Variants in ERC1 observed in about 807,000 individuals in gnomAD.
The protein encoded by ERC1 is ELKS/RAB6-interacting/CAST family member 1.
Under a neutral mutation model 132.0 loss-of-function variants are expected in ERC1, and 56 were observed. The ratio of observed to expected loss-of-function variants is 0.42; its 90% CI spans 0.34 to 0.53. The LOEUF (loss-of-function observed/expected upper bound fraction) is 0.53, where lower values mean the gene tolerates loss of function less well. Among genes scored for constraint, ERC1 ranks in the 20% least tolerant of loss-of-function variants. The pLI, the probability that ERC1 is intolerant of heterozygous loss-of-function variation, is 0.03. For missense variants in ERC1, 1,202 were observed against 1,349.9 expected (o/e 0.89, Z 1.72); for synonymous variants, 478 against 476.1 (o/e 1.00, Z -0.05).
At chr12:1,244,231 C>A (rs574916633) in intron 13 of ERC1, among the ~76,000 whole-genome samples, 1 of 152,054 alleles carries the variant, frequency 6.6e-6, no homozygotes, top group Non-Finnish European at 1.5e-5. Context: ...CAATCGTAAT[C>A]GAATGACTGG....
At position 1,121,677 on chromosome 12, in the gene ERC1, A is replaced by ATCTCTATCTATC. The variant is rs56044523; in HGVS notation, c.1569+5647_1569+5648insCTATCTATCTCT. On this transcript the variant is annotated intron_variant, in intron 7 of 18. Coordinates refer to ENST00000360905, the MANE Select transcript of ERC1 (RefSeq NM_178040.4). ...TATCTCTATCTCTATCTCTATCTCTATCTATCTCTATCTCTATCTCTATCT... is the reference window on the plus strand; with the variant it reads ...TATCTCTATCTCTATCTCTATCTCTATCTCTATCTATCTCTATCTCTATCTCTATCTCTATCT... Among the ~76,000 whole-genome samples, 28 of 8,182 alleles carry ATCTCTATCTATC rather than the reference A, an allele frequency of 3.4e-3. 1 individual carries two copies. Among genetic ancestry groups the ATCTCTATCTATC allele is most frequent in the Non-Finnish European group, 5.6e-3 (13 of 2,314 alleles). 5.4% of individuals were successfully genotyped at this position (8,182 alleles called of 152,430 possible).
intron 18 of ERC1, among the ~76,000 whole-genome samples, chr12:1,468,285 G>A (rs1375610233): frequency 1.3e-5 from 2 of 152,040 alleles, no homozygotes; most frequent in African/African-American, 4.8e-5. Context: ...AAGGCTTCAC[G>A]AAAGCAAAAA....
intron 17 of ERC1, among the ~76,000 whole-genome samples, chr12:1,440,251 C>T (rs1455225740): frequency 7.3e-6 from 1 of 136,324 alleles, no homozygotes; most frequent in African/African-American, 3.0e-5. Context: ...GTCGCCCAGG[C>T]TGGAGTGCAG....
At chr12:1,217,763 C>A (rs1397277166) in intron 12 of ERC1, among the ~76,000 whole-genome samples, 2 of 152,144 alleles carry the variant, frequency 1.3e-5, no homozygotes, top group Non-Finnish European at 2.9e-5. Flanking sequence ...CCTTCCTTAC[C>A]CGGGTCAGAT....
At chr12:1,336,162 A>G (rs1018085348) in intron 15 of ERC1, among the ~76,000 whole-genome samples, 15 of 151,834 alleles carry the variant, frequency 9.9e-5, no homozygotes, top group Admixed American at 2.6e-4. Flanking sequence ...TTACTAGCCT[A>G]TTTAGCAGTT....
In ERC1 at chr12:1,444,546, T is replaced by C. The variant is rs945221295; in HGVS notation, c.3025-16T>C. On this transcript the variant is annotated splice_polypyrimidine_tract_variant and intron_variant, in intron 17 of 18. Coordinates refer to ENST00000360905, the MANE Select transcript of ERC1 (RefSeq NM_178040.4). ...TTCCTCATTTTATTTTATTTTATTT[T>C]ATTTTTTTGCCTTAGATCATCCAGC... 4 of 1,546,608 alleles carry C rather than the reference T, an allele frequency of 2.6e-6. No homozygotes were observed. The African/African-American group carries it at 5.6e-5, about 21-fold the overall frequency.
chr12:1,442,467 C>G (rs1166897622), intron 17 of ERC1, among the ~76,000 whole-genome samples: 3 of 152,076 alleles, frequency 2.0e-5, no homozygotes, highest in Non-Finnish European at 4.4e-5. Context: ...CACAGCAGAA[C>G]TTTGGTGTTT....
At chr12:1,071,802 A>G (rs1440780735) in intron 2 of ERC1, among the ~76,000 whole-genome samples, 1 of 152,120 alleles carries the variant, frequency 6.6e-6, no homozygotes, top group Non-Finnish European at 1.5e-5. Context: ...TCTTTCCCTT[A>G]AAAGTATAAA....
Position 1,083,497 on chromosome 12 carries a change from C to T in ERC1, c.1003C>T (p.Arg335Ter), listed in dbSNP as rs995188301. Reference protein sequence around the residue: ...ATEEDHERTRRLAEAEMHVHH... With the variant: ...ATEEDHERTR ...CGAGGAAGACCATGAGAGAACAAGA[C>T]GACTGGCAGAGGCAGAGATGCACGT... Residue 335 changes from arginine (R) to a stop codon, truncating the protein, a stop_gained, in exon 3 of 19, where the codon CGA becomes TGA. Coordinates refer to ENST00000360905, the MANE Select transcript of ERC1 (RefSeq NM_178040.4). LOFTEE classifies it high-confidence loss of function. 5 of 1,614,120 alleles carry T rather than the reference C, an allele frequency of 3.1e-6. No individual in the cohort carries two copies. Among genetic ancestry groups the T allele is most frequent in the Non-Finnish European group, 4.2e-6 (5 of 1,179,994 alleles).
intron 14 of ERC1, among the ~76,000 whole-genome samples, chr12:1,283,433 C>T (rs1204206660): frequency 1.3e-5 from 2 of 152,212 alleles, no homozygotes; most frequent in East Asian, 3.8e-4. Flanking sequence ...TGTACAACTG[C>T]TCAGTGGTAG....
intron 8 of ERC1, among the ~76,000 whole-genome samples, chr12:1,177,602 T>A (rs540127693): frequency 6.6e-6 from 1 of 152,302 alleles, no homozygotes; most frequent in East Asian, 1.9e-4. Flanking sequence ...GTTCACCATC[T>A]CATACGGGCA....
chr12:1,002,637 C>T (rs894123587), intron 1 of ERC1, among the ~76,000 whole-genome samples: 8 of 152,026 alleles, frequency 5.3e-5, no homozygotes, highest in Non-Finnish European at 1.2e-4. Flanking sequence ...TTACATGCCC[C>T]AAAGAGTGTT....
At chr12:1,331,260 T>G (rs2082839758) in intron 15 of ERC1, among the ~76,000 whole-genome samples, 1 of 152,252 alleles carries the variant, frequency 6.6e-6, no homozygotes, top group Non-Finnish European at 1.5e-5. Flanking sequence ...AGTTATCAAA[T>G]AAGTACTCTT....
chr12:1,398,358 A>G (rs1339992719), intron 16 of ERC1, among the ~76,000 whole-genome samples: 1 of 152,238 alleles, frequency 6.6e-6, no homozygotes, highest in Non-Finnish European at 1.5e-5. Context: ...AAAGCATTAT[A>G]TTGTTAGAGA....
intron 12 of ERC1, among the ~76,000 whole-genome samples, chr12:1,209,558 A>G (rs749444897): frequency 2.6e-5 from 4 of 152,188 alleles, no homozygotes; most frequent in African/African-American, 9.7e-5. Flanking sequence ...GAAATGCTCT[A>G]TAACGCAACT....
chr12:1,249,333 C>G (rs934485158), intron 13 of ERC1, among the ~76,000 whole-genome samples: 12 of 152,156 alleles, frequency 7.9e-5, no homozygotes, highest in Admixed American at 7.2e-4. Flanking sequence ...GAAGCATAGT[C>G]TTAGCTGATT....
rs78842798 is a variant in ERC1 at position 1,038,636 on chromosome 12, G to A, written c.669+10064G>A. Among the ~76,000 whole-genome samples the A allele has an allele frequency of 3.6e-4, 55 of 152,306 alleles. No homozygotes were observed. In the East Asian group the frequency reaches 0.01, roughly 28 times the overall value. ...GGCCTCCCAAAGTGCTAAGATTACA[G>A]GCGTGAGCCACTGTGCCCAGCCTTT... On this transcript the variant is annotated intron_variant, in intron 2 of 18. Transcript: ENST00000360905.
chr12:1,412,502 C>T (rs925097323), intron 17 of ERC1, among the ~76,000 whole-genome samples: 3 of 152,108 alleles, frequency 2.0e-5, no homozygotes, highest in Non-Finnish European at 4.4e-5. Flanking sequence ...TGTTCAGATT[C>T]TACCACCACC....
chr12:1,378,975 A>C (rs78141669), intron 16 of ERC1, among the ~76,000 whole-genome samples: 5,416 of 152,328 alleles, frequency 0.036, 123 homozygotes, highest in South Asian at 0.087. Flanking sequence ...CACTACTTGC[A>C]GGTCAAATAT....
Sources: gnomAD v4.1 joint callset for allele counts (sites outside exome capture counted in the v4.1 genomes callset) on GRCh38, gnomAD v4.1.1 for gene constraint, MANE v1.5 for transcripts, NCBI Gene and HGNC (gene_info 2026-07-23, HGNC 2026-07-21) for gene names.